The following NLGN1 variants were observed in gnomAD, a reference collection of about 807,000 sequenced individuals.
NLGN1 encodes the protein neuroligin-1.
NLGN1 carries 12 observed loss-of-function variants against 65.5 expected under a neutral mutation model. The ratio of observed to expected loss-of-function variants is 0.18; its 90% CI spans 0.12 to 0.30. The LOEUF is 0.30. Ranked by LOEUF, NLGN1 falls within the 10% of genes least tolerant of loss-of-function variation. The probability of loss-of-function intolerance (pLI) is 1.00; values close to 1 mark genes in which losing one functional copy is unlikely to be tolerated. For synonymous variants in NLGN1, 350 were observed against 359.5 expected, an observed-to-expected ratio of 0.97 and a Z score of 0.30; for missense variants, 750 against 1,007.1, an observed-to-expected ratio of 0.74 and a Z score of 3.46.
chr3:173,488,806 G>A (rs1464558395), intron 2 of NLGN1, among the ~76,000 whole-genome samples: 1 of 151,708 alleles, frequency 6.6e-6, no homozygotes, highest in Non-Finnish European at 1.5e-5. Flanking sequence ...TATCTATCAT[G>A]AAAAAGTCTC....
chr3:174,129,605 G>A (rs1004295756), intron 4 of NLGN1, among the ~76,000 whole-genome samples: 3 of 152,154 alleles, frequency 2.0e-5, no homozygotes, highest in Admixed American at 1.3e-4. Context: ...TTTCAAAATT[G>A]TACTGGTTAG....
chr3:173,968,366 T>C (rs1425638155), intron 4 of NLGN1, among the ~76,000 whole-genome samples: 1 of 152,170 alleles, frequency 6.6e-6, no homozygotes, highest in African/African-American at 2.4e-5. Context: ...CAGAAATAAT[T>C]AAACCTAATT....
chr3:173,917,841 T>TTGTGTGTGTGTGTGTG (rs145802137), intron 4 of NLGN1, among the ~76,000 whole-genome samples: 1,470 of 146,466 alleles, frequency 0.01, 29 homozygotes, highest in African/African-American at 0.031. Flanking sequence ...CAAAGCAACA[T>TTGTGTGTGTGTGTGTG]TGTGTGTGTG....
intron 2 of NLGN1, among the ~76,000 whole-genome samples, chr3:173,457,220 A>G (rs1722647266): frequency 6.6e-6 from 1 of 152,060 alleles, no homozygotes; most frequent in Non-Finnish European, 1.5e-5. Context: ...CACAGTTTTC[A>G]TCATTATTAA....
rs180826944 is a variant in NLGN1, at chr3:173,446,432, A to G, written c.-321+11354A>G. Among the ~76,000 whole-genome samples the G allele has an allele frequency of 1.5e-3, 235 of 152,250 alleles. 1 individual carries two copies. Among genetic ancestry groups the G allele is most frequent in the African/African-American group, 5.5e-3 (227 of 41,550 alleles). Reference sequence around the variant, plus strand: ...ATGGCTGCGTAGTATTCCATGGTGTATATGTGCCACATTTTCTTAATCCAG... The same window carrying G: ...ATGGCTGCGTAGTATTCCATGGTGTGTATGTGCCACATTTTCTTAATCCAG... On this transcript the variant is annotated intron_variant, in intron 2 of 6. Coordinates refer to ENST00000457714, the Ensembl canonical transcript of NLGN1.
At chr3:173,824,871 C>A (rs1320704631) in intron 4 of NLGN1, among the ~76,000 whole-genome samples, 1 of 152,050 alleles carries the variant, frequency 6.6e-6, no homozygotes, top group Non-Finnish European at 1.5e-5. Context: ...CGTATGTAGC[C>A]ATTTCAATAT....
At chr3:173,757,201 A>G (rs564406915) in intron 3 of NLGN1, among the ~76,000 whole-genome samples, 16 of 152,168 alleles carry the variant, frequency 1.1e-4, no homozygotes, top group African/African-American at 3.8e-4. Context: ...GAATGAAACC[A>G]TTGGATGAAA....
At chr3:174,187,920 C>G (rs1033023417) in intron 4 of NLGN1, among the ~76,000 whole-genome samples, 1 of 151,918 alleles carries the variant, frequency 6.6e-6, no homozygotes, top group South Asian at 2.1e-4. Flanking sequence ...AACTTTGCCT[C>G]CACGTTAAGC....
At chr3:174,147,445 T>G (rs1479669326) in intron 4 of NLGN1, among the ~76,000 whole-genome samples, 1 of 123,116 alleles carries the variant, frequency 8.1e-6, no homozygotes, top group Non-Finnish European at 1.6e-5. Flanking sequence ...TTTTTTTTTT[T>G]TTTTTGAGAC....
At chr3:174,233,103 C>A (rs1343044761) in intron 4 of NLGN1, among the ~76,000 whole-genome samples, 1 of 152,150 alleles carries the variant, frequency 6.6e-6, no homozygotes, top group Non-Finnish European at 1.5e-5. Context: ...TCTGGGGTGG[C>A]AGCAAGACAG....
rs1777812051 is a variant in NLGN1 at position 173,760,481 on chromosome 3, T to G, written c.494-47199T>G. Among the ~76,000 whole-genome samples, 3 of 152,080 alleles carry G rather than the reference T, an allele frequency of 2.0e-5. No individual in the cohort carries two copies. In the South Asian group the frequency reaches 6.2e-4, roughly 32 times the overall value. The stretch of plus-strand genomic sequence containing the variant: ...AAGACGTGAGAAGTTTTTATTCTTG[T>G]TTTACTTTAGAAGTTCTTGCGACAG... On this transcript the variant is annotated intron_variant, in intron 3 of 6. Transcript: ENST00000457714.
chr3:173,911,267 G>A (rs960052512), intron 4 of NLGN1, among the ~76,000 whole-genome samples: 1 of 152,118 alleles, frequency 6.6e-6, no homozygotes, highest in African/African-American at 2.4e-5. Flanking sequence ...AAATTTAGTA[G>A]TTTATCTCAA....
At chr3:173,640,542 A>C (rs1757245977) in intron 3 of NLGN1, among the ~76,000 whole-genome samples, 1 of 152,258 alleles carries the variant, frequency 6.6e-6, no homozygotes. Flanking sequence ...CCGTAAGGCT[A>C]TTATCATATC....
At chr3:174,072,127 A>C (rs573037703) in intron 4 of NLGN1, among the ~76,000 whole-genome samples, 1 of 152,322 alleles carries the variant, frequency 6.6e-6, no homozygotes, top group South Asian at 2.1e-4. Context: ...AGAATCTTTG[A>C]AAAGTAAGTC....
At chr3:173,743,408 T>C (rs1774928784) in intron 3 of NLGN1, among the ~76,000 whole-genome samples, 1 of 152,038 alleles carries the variant, frequency 6.6e-6, no homozygotes, top group East Asian at 1.9e-4. Context: ...TTTACTCTAT[T>C]ATATTATATT....
At chr3:173,525,785 G>T (rs571259888) in intron 2 of NLGN1, among the ~76,000 whole-genome samples, 1 of 152,038 alleles carries the variant, frequency 6.6e-6, no homozygotes, top group African/African-American at 2.4e-5. Flanking sequence ...CAGAGGTTTT[G>T]GTATGTTGTG....
At chr3:173,983,090 G>C (rs1719116510) in intron 4 of NLGN1, among the ~76,000 whole-genome samples, 1 of 151,972 alleles carries the variant, frequency 6.6e-6, no homozygotes, top group Admixed American at 6.6e-5. Context: ...ACAAGTTTTC[G>C]AGTTCTTCTG....
At chr3:173,603,022 G>A (rs1032650851) in intron 2 of NLGN1, among the ~76,000 whole-genome samples, 3 of 152,078 alleles carry the variant, frequency 2.0e-5, no homozygotes, top group Admixed American at 6.6e-5. Flanking sequence ...ATTGTTCAGA[G>A]CTAAAGACAC....
At chr3:174,059,084 C>T (rs1331382545) in intron 4 of NLGN1, among the ~76,000 whole-genome samples, 3 of 152,160 alleles carry the variant, frequency 2.0e-5, no homozygotes, top group Non-Finnish European at 1.5e-5. Context: ...GAGCTTTCTT[C>T]AAGTGTTTGG....
Sources: allele counts gnomAD v4.1 joint callset (sites outside exome capture counted in the v4.1 genomes callset), GRCh38; gene constraint gnomAD v4.1.1; transcripts MANE v1.5; gene names NCBI Gene and HGNC (gene_info 2026-07-23, HGNC 2026-07-21).